Variants in LRFN4 observed in about 807,000 individuals in gnomAD.
The protein encoded by LRFN4 is leucine-rich repeat and fibronectin type-III domain-containing protein 4.
Under a neutral mutation model 29.0 loss-of-function variants are expected in LRFN4, and 10 were observed. That is an observed-to-expected ratio of 0.35 (90% CI 0.21 to 0.59). The LOEUF (loss-of-function observed/expected upper bound fraction) is 0.59, where lower values mean the gene tolerates loss of function less well. LRFN4 is among the 20% of genes least tolerant of loss of function. The pLI is 0.82. For missense variants in LRFN4, 850 were observed against 907.9 expected (o/e 0.94, Z 0.82); for synonymous variants, 493 against 437.0 (o/e 1.13, Z -1.60).
In LRFN4 at chr11:66,860,252, G is replaced by T; in HGVS notation, c.*57G>T. On this transcript the variant is annotated 3_prime_UTR_variant, in exon 2 of 2. Coordinates refer to ENST00000309602, the MANE Select transcript of LRFN4 (RefSeq NM_024036.5). ...ATGAGCCTCGTGGGGCAGAGGGCCC[G>T]GGGCCGCCGCCTGGCCTGGGAGTCC... is the stretch of plus-strand genomic sequence containing the variant. The T allele has an allele frequency of 1.3e-6, 2 of 1,536,746 alleles. No individual in the cohort carries two copies. The highest frequency in any genetic ancestry group is 1.4e-5 in the African/African-American group (1 of 73,154).
Position 66,857,505 on chromosome 11 carries a change from G to C in LRFN4, c.-240G>C. The C allele has an allele frequency of 2.0e-6, 1 of 499,464 alleles. No individual in the cohort carries two copies. Among genetic ancestry groups the C allele is most frequent in the East Asian group, 3.1e-5 (1 of 32,136 alleles). The allele number at this position is 499,464 out of a possible 1,614,324, so 30.9% of individuals were successfully genotyped here. On this transcript the variant is annotated 5_prime_UTR_variant, in exon 1 of 2. Transcript: ENST00000309602. The surrounding 1 kb of genome is among the most constrained non-coding windows in gnomAD (Gnocchi z 7.1). ...CGCTTCCTGCCTCATGCCTCACCTT[G>C]TCCCCAGCGCCTGGACTCCCCCTTA... is the stretch of plus-strand genomic sequence containing the variant.
Position 66,857,681 on chromosome 11 carries a change from A to G in LRFN4, c.-64A>G. 1.3e-6 allele frequency: 2 copies of G among 1,509,718 alleles called. No individual in the cohort carries two copies. The highest frequency in any genetic ancestry group is 1.8e-6 in the Non-Finnish European group (2 of 1,128,712). 93.5% of individuals were successfully genotyped at this position (1,509,718 alleles called of 1,614,324 possible). The stretch of plus-strand genomic sequence containing the variant: ...GGCTTCTGGGACTGTCCTGGGCCCA[A>G]GTGGGCACCTGCGCCAGCCCCACCT... On this transcript the variant is annotated 5_prime_UTR_variant, in exon 1 of 2. Coordinates refer to ENST00000309602, the MANE Select transcript of LRFN4 (RefSeq NM_024036.5). This position sits in a 1 kb window ranked among gnomAD's most constrained non-coding sequence, Gnocchi z 7.1.
Position 66,858,983 on chromosome 11 carries a change from G to A in LRFN4, c.1239G>A (p.Glu413=). ...CTGAGCCAGCCGTGCAGGTGACGGAGGTGACCGCCACCTCAGGGCTGGTGA... is the reference window on the plus strand; with the variant it reads ...CTGAGCCAGCCGTGCAGGTGACGGAAGTGACCGCCACCTCAGGGCTGGTGA... ...LESEPAVQVT[E]VTATSGLVSW... Residue 413 remains glutamate (E), a synonymous_variant, in exon 1 of 2, where the codon GAG becomes GAA. Transcript: ENST00000309602. This position sits in a 1 kb window ranked among gnomAD's most constrained non-coding sequence, Gnocchi z 5.9. The A allele has an allele frequency of 1.9e-6, 3 of 1,564,214 alleles. No individual in the cohort carries two copies. Among genetic ancestry groups the A allele is most frequent in the Non-Finnish European group, 2.6e-6 (3 of 1,151,328 alleles).
rs1946186967 is a variant in LRFN4, at chr11:66,860,368, G to T, written c.*173G>T. 3.1e-6 allele frequency: 3 copies of T among 962,440 alleles called. No homozygotes were observed. Among genetic ancestry groups the T allele is most frequent in the Non-Finnish European group, 4.8e-6 (3 of 622,980 alleles). 59.6% of individuals were successfully genotyped at this position (962,440 alleles called of 1,614,324 possible). ...CCTCGGTTCTGGCCTCCAGACCAGG[G>T]TAAGGGCAGGCCCCTCCAACAGGTG... is the stretch of plus-strand genomic sequence containing the variant. On this transcript the variant is annotated 3_prime_UTR_variant, in exon 2 of 2. Transcript: ENST00000309602.
In LRFN4 at chr11:66,857,346, G is replaced by A. The variant is rs1413701120; in HGVS notation, c.-399G>A. ...CGGGGGCCGGCCAGGGAGGGGCCAC[G>A]GACTCCACGGGAGGTTCGGGGGGCG... On this transcript the variant is annotated 5_prime_UTR_variant, in exon 1 of 2. Coordinates refer to ENST00000309602, the MANE Select transcript of LRFN4 (RefSeq NM_024036.5). This position sits in a 1 kb window ranked among gnomAD's most constrained non-coding sequence, Gnocchi z 7.1. 6.2e-6 allele frequency: 1 copy of A among 161,582 alleles called. No homozygotes were observed. Among genetic ancestry groups the A allele is most frequent in the Non-Finnish European group, 1.3e-5 (1 of 74,814 alleles). 10.0% of individuals were successfully genotyped at this position (161,582 alleles called of 1,614,324 possible).
In LRFN4 at chr11:66,860,347, G is replaced by C. The variant is rs770275940; in HGVS notation, c.*152G>C. On this transcript the variant is annotated 3_prime_UTR_variant, in exon 2 of 2. Transcript: ENST00000309602. ...TGGAGGGGCAGGGAGCCCTTTCCTC[G>C]GTTCTGGCCTCCAGACCAGGGTAAG... is the stretch of plus-strand genomic sequence containing the variant. 5.4e-5 allele frequency: 64 copies of C among 1,179,276 alleles called. No individual in the cohort carries two copies. Among genetic ancestry groups the C allele is most frequent in the Non-Finnish European group, 7.3e-5 (60 of 821,174 alleles). The allele number at this position is 1,179,276 out of a possible 1,614,324, so 73.1% of individuals were successfully genotyped here.
At position 66,860,262 on chromosome 11, in the gene LRFN4, C is replaced by T; in HGVS notation, c.*67C>T. ...TGGGGCAGAGGGCCCGGGGCCGCCGCCTGGCCTGGGAGTCCCTCCCTGGTT... is the reference window on the plus strand; with the variant it reads ...TGGGGCAGAGGGCCCGGGGCCGCCGTCTGGCCTGGGAGTCCCTCCCTGGTT... On this transcript the variant is annotated 3_prime_UTR_variant, in exon 2 of 2. Transcript: ENST00000309602. 1 of 1,534,480 alleles carries T rather than the reference C, an allele frequency of 6.5e-7. No individual in the cohort carries two copies. The highest frequency in any genetic ancestry group is 8.7e-7 in the Non-Finnish European group (1 of 1,144,694).
In LRFN4 at chr11:66,860,166, G is replaced by A. The variant is rs1032550699; in HGVS notation, c.1879G>A (p.Ala627Thr). ...AGGGTGCCGGGGGGTAGGAGGCAGCGCCGAGCGGCTGGAAGAGAGTGTGGT... is the reference window on the plus strand; with the variant it reads ...AGGGTGCCGGGGGGTAGGAGGCAGCACCGAGCGGCTGGAAGAGAGTGTGGT... ...GAGCRGVGGS[A>T]ERLEESVV The change falls in exon 2 of 2, where the codon GCC (alanine) becomes ACC (threonine). Residue 627 changes from alanine to threonine, a missense_variant. Coordinates refer to ENST00000309602, the MANE Select transcript of LRFN4 (RefSeq NM_024036.5). The A allele has an allele frequency of 1.2e-5, 19 of 1,547,642 alleles. No homozygotes were observed. The highest frequency in any genetic ancestry group is 5.5e-5 in the African/African-American group (4 of 73,160).
Position 66,858,677 on chromosome 11 carries a change from C to A in LRFN4, c.933C>A (p.Thr311=). The change falls in exon 1 of 2, where the codon ACC becomes ACA. Residue 311 remains threonine (T), a synonymous_variant. Coordinates refer to ENST00000309602, the MANE Select transcript of LRFN4 (RefSeq NM_024036.5). The surrounding 1 kb of genome is among the most constrained non-coding windows in gnomAD (Gnocchi z 5.9). The part of the protein sequence containing the change: ...RCRALGDPAP[T]MHWVGPDDRL... The stretch of plus-strand genomic sequence containing the variant: ...GGGCCCTGGGTGACCCCGCGCCTAC[C>A]ATGCACTGGGTCGGTCCTGACGACC... The A allele has an allele frequency of 6.5e-7, 1 of 1,546,548 alleles. No individual in the cohort carries two copies.
Position 66,858,656 on chromosome 11 carries a change from C to T in LRFN4, c.912C>T (p.Ala304=). 6.5e-7 allele frequency: 1 copy of T among 1,542,696 alleles called. No individual in the cohort carries two copies. Among genetic ancestry groups the T allele is most frequent in the Non-Finnish European group, 8.7e-7 (1 of 1,144,320 alleles). Residue 304 remains alanine (A), a synonymous_variant, in exon 1 of 2, where the codon GCC becomes GCT. Transcript: ENST00000309602. This position sits in a 1 kb window ranked among gnomAD's most constrained non-coding sequence, Gnocchi z 5.9. ...AGCGGGCCACGCTGCGGTGCCGGGC[C>T]CTGGGTGACCCCGCGCCTACCATGC... ...EGQRATLRCR[A]LGDPAPTMHW...
chr11:66,858,168 G>C lies in LRFN4; in HGVS notation c.424G>C (p.Asp142His). ...LGRIAPGAFDDFLESLEDLDL... is the reference protein window; with the variant it reads ...LGRIAPGAFDHFLESLEDLDL... Reference sequence around the variant, plus strand: ...CCGCATCGCGCCGGGAGCCTTCGACGACTTCCTAGAGAGCCTGGAGGACCT... The same window carrying C: ...CCGCATCGCGCCGGGAGCCTTCGACCACTTCCTAGAGAGCCTGGAGGACCT... The change falls in exon 1 of 2, where the codon GAC (aspartate) becomes CAC (histidine). Residue 142 changes from aspartate to histidine, a missense_variant. Physicochemically the swap from Asp to His is moderately conservative, Grantham distance 81. Coordinates refer to ENST00000309602, the MANE Select transcript of LRFN4 (RefSeq NM_024036.5). The surrounding 1 kb of genome is among the most constrained non-coding windows in gnomAD (Gnocchi z 5.9). The C allele has an allele frequency of 3.1e-6, 5 of 1,610,882 alleles. No individual in the cohort carries two copies. Among genetic ancestry groups the C allele is most frequent in the Non-Finnish European group, 4.2e-6 (5 of 1,178,816 alleles).
Position 66,857,757 on chromosome 11 carries a change from C to G in LRFN4, c.13C>G (p.Leu5Val). ...CAGGGCGCTCACCATGGCCCCGCCG[C>G]TCCTGCTGCTGCTGCTGGCCAGTGG... is the stretch of plus-strand genomic sequence containing the variant. MAPP[L>V]LLLLLASGAA... is the part of the protein sequence containing the mutation. The change falls in exon 1 of 2, where the codon CTC becomes GTC. Residue 5 changes from leucine (L) to valine (V), a missense_variant. Leu to Val is a conservative substitution (Grantham distance 32, BLOSUM62 1). Around this residue, in one of 2 missense-constraint regions of LRFN4, gnomAD observed 106 missense variants for 154.2 expected, o/e 0.69. Transcript: ENST00000309602. The surrounding 1 kb of genome is among the most constrained non-coding windows in gnomAD (Gnocchi z 7.1). 6.3e-7 allele frequency: 1 copy of G among 1,593,766 alleles called. No homozygotes were observed. The highest frequency in any genetic ancestry group is 8.5e-7 in the Non-Finnish European group (1 of 1,176,632).
chr11:66,859,230 G>A, intron 1 of LRFN4, 137 bp downstream of exon 1: 1 of 1,204,332 alleles, frequency 8.3e-7, no homozygotes, highest in Non-Finnish European at 1.1e-6. Flanking sequence ...TGGACTCTTG[G>A]AGGAGCAGTG....
Position 66,857,825 on chromosome 11 carries a change from C to T in LRFN4, c.81C>T (p.Ser27=), listed in dbSNP as rs750009283. 32 of 1,604,274 alleles carry T rather than the reference C, an allele frequency of 2.0e-5. No individual in the cohort carries two copies. Among genetic ancestry groups the T allele is most frequent in the East Asian group, 4.5e-5 (2 of 44,876 alleles). ...TGCCCTGCGTCTGCCAGAACCTGTCCGAGTCGCTCAGCACCCTCTGTGCCC... is the reference window on the plus strand; with the variant it reads ...TGCCCTGCGTCTGCCAGAACCTGTCTGAGTCGCTCAGCACCCTCTGTGCCC... ...CPLPCVCQNL[S]ESLSTLCAHR... Residue 27 remains serine, a synonymous_variant, in exon 1 of 2, where the codon TCC becomes TCT. Coordinates refer to ENST00000309602, the MANE Select transcript of LRFN4 (RefSeq NM_024036.5). This position sits in a 1 kb window ranked among gnomAD's most constrained non-coding sequence, Gnocchi z 7.1.
At position 66,858,843 on chromosome 11, in the gene LRFN4, C is replaced by T. The variant is rs767165983; in HGVS notation, c.1099C>T (p.Arg367Trp). The T allele has an allele frequency of 3.9e-6, 6 of 1,551,856 alleles. No individual in the cohort carries two copies. Among genetic ancestry groups the T allele is most frequent in the Admixed American group, 1.9e-5 (1 of 51,406 alleles). ...AGEATARVEL[R>W]VLALPHGGNS... ...TGAGGCCACAGCCCGAGTAGAACTG[C>T]GGGTGCTGGCCTTGCCCCATGGTGG... Residue 367 changes from arginine (R) to tryptophan (W), a missense_variant, in exon 1 of 2, where the codon CGG (arginine) becomes TGG (tryptophan). Transcript: ENST00000309602. The surrounding 1 kb of genome is among the most constrained non-coding windows in gnomAD (Gnocchi z 5.9).
At position 66,858,626 on chromosome 11, in the gene LRFN4, A is replaced by C. The variant is rs974985014; in HGVS notation, c.882A>C (p.Glu294Asp). ...ACACGCAGCGCCTCTGGGTGCTGGA[A>C]GGCCAGCGGGCCACGCTGCGGTGCC... is the stretch of plus-strand genomic sequence containing the variant. Reference protein sequence around the residue: ...ARHTQRLWVLEGQRATLRCRA... With the variant: ...ARHTQRLWVLDGQRATLRCRA... Residue 294 changes from glutamate (E) to aspartate (D), a missense_variant, in exon 1 of 2, where the codon GAA (glutamate) becomes GAC (aspartate). This residue lies in a region of LRFN4 where 744 missense variants were observed against 753.8 expected (regional missense o/e 0.99). Coordinates refer to ENST00000309602, the MANE Select transcript of LRFN4 (RefSeq NM_024036.5). The surrounding 1 kb of genome is among the most constrained non-coding windows in gnomAD (Gnocchi z 5.9). The C allele has an allele frequency of 2.0e-6, 3 of 1,536,942 alleles. No individual in the cohort carries two copies. The Admixed American group carries it at 5.9e-5, about 30-fold the overall frequency.
chr11:66,859,081 C>A lies in LRFN4; in HGVS notation c.1337C>A (p.Thr446Asn), dbSNP rs775955953. 2.7e-6 allele frequency: 4 copies of A among 1,488,434 alleles called. No homozygotes were observed. The highest frequency in any genetic ancestry group is 3.6e-6 in the Non-Finnish European group (4 of 1,119,550). 92.2% of individuals were successfully genotyped at this position (1,488,434 alleles called of 1,614,324 possible). A position where few individuals can be genotyped will look rare whatever the true frequency, so the allele number is the denominator to read the frequency against. ...CAGTACAACAGCAGCGAAGATGAGA[C>A]CCTCATCTACCGGTGAGGATGCGTG... ...QIQYNSSEDETLIYRIVPASS... is the reference protein window; with the variant it reads ...QIQYNSSEDENLIYRIVPASS... Residue 446 changes from threonine (T) to asparagine (N), a missense_variant, in exon 1 of 2, where the codon ACC becomes AAC. Physicochemically the swap from Thr to Asn is moderately conservative, Grantham distance 65. Coordinates refer to ENST00000309602, the MANE Select transcript of LRFN4 (RefSeq NM_024036.5).
chr11:66,859,093 G>A lies in LRFN4; in HGVS notation c.1349G>A (p.Arg450Gln). The part of the protein sequence containing the change: ...NSSEDETLIY[R>Q]IVPASSHHFL... ...AGCGAAGATGAGACCCTCATCTACC[G>A]GTGAGGATGCGTGCCCCACACCCGG... is the stretch of plus-strand genomic sequence containing the variant. Residue 450 changes from arginine to glutamine, a missense_variant and splice_region_variant, in exon 1 of 2, where the codon CGG (arginine) becomes CAG (glutamine). Coordinates refer to ENST00000309602, the MANE Select transcript of LRFN4 (RefSeq NM_024036.5). 2.7e-6 allele frequency: 4 copies of A among 1,486,156 alleles called. No individual in the cohort carries two copies. Among genetic ancestry groups the A allele is most frequent in the Non-Finnish European group, 2.7e-6 (3 of 1,118,546 alleles). 92.1% of individuals were successfully genotyped at this position (1,486,156 alleles called of 1,614,324 possible).
In LRFN4 at chr11:66,858,782, T is replaced by G; in HGVS notation, c.1038T>G (p.Ala346=). The change falls in exon 1 of 2, where the codon GCT becomes GCG. Residue 346 remains alanine, a synonymous_variant. Transcript: ENST00000309602. This position sits in a 1 kb window ranked among gnomAD's most constrained non-coding sequence, Gnocchi z 5.9. ...LEIGVTGAGD[A]GGYTCIATNP... is the part of the protein sequence containing the mutation. ...TTGGGGTGACCGGCGCTGGGGACGC[T>G]GGGGGCTACACCTGCATCGCCACCA... 1 of 1,550,226 alleles carries G rather than the reference T, an allele frequency of 6.5e-7. No individual in the cohort carries two copies. Among genetic ancestry groups the G allele is most frequent in the South Asian group, 1.2e-5 (1 of 84,452 alleles).
Sources: gnomAD v4.1 joint callset for allele counts on GRCh38, gnomAD v4.1.1 for gene constraint, gnomAD v4.1.1 regional missense constraint, Gnocchi (gnomAD v3.1) non-coding constraint, MANE v1.5 for transcripts, NCBI Gene and HGNC (gene_info 2026-07-23, HGNC 2026-07-21) for gene names.